EEFSEC: variants seen among roughly 807,000 people sequenced by gnomAD.
The protein encoded by EEFSEC is selenocysteine-specific elongation factor.
Under a neutral mutation model 42.1 loss-of-function variants are expected in EEFSEC, and 43 were observed. The observed-to-expected ratio is 1.02, with a 90% CI of 0.80 to 1.32. The LOEUF is 1.32. Among genes scored for constraint, EEFSEC ranks in the 40% most tolerant of loss-of-function variants. EEFSEC has a pLI of 0.00. For synonymous variants in EEFSEC, 354 were observed against 339.1 expected, an observed-to-expected ratio of 1.04 and a Z score of -0.48; for missense variants, 745 against 803.6, an observed-to-expected ratio of 0.93 and a Z score of 0.88.
At chr3:128,403,105 G>A (rs1194822364) in intron 6 of EEFSEC, among the ~76,000 whole-genome samples, 1 of 152,236 alleles carries the variant, frequency 6.6e-6, no homozygotes, top group Non-Finnish European at 1.5e-5. Flanking sequence ...TCACCAAGAG[G>A]TGACAGTTGT....
the EEFSEC span, among the ~76,000 whole-genome samples, chr3:128,425,972 T>C: frequency 7.2e-5 from 11 of 152,210 alleles, no homozygotes; most frequent in Non-Finnish European, 1.3e-4. Flanking sequence ...AATCGTGTTA[T>C]TATGCTGTGA....
At chr3:128,388,846 C>T (rs759908435) in intron 6 of EEFSEC, among the ~76,000 whole-genome samples, 1 of 152,212 alleles carries the variant, frequency 6.6e-6, no homozygotes, top group South Asian at 2.1e-4. Flanking sequence ...GCCTTCCTGA[C>T]TAGAGGTAGA....
At chr3:128,197,366 G>T (rs888270477) in intron 1 of EEFSEC, among the ~76,000 whole-genome samples, 9 of 152,178 alleles carry the variant, frequency 5.9e-5, no homozygotes, top group Non-Finnish European at 1.2e-4. Context: ...TGCTTTCCGG[G>T]TTCCAGCAAT....
Position 128,153,562 on chromosome 3 carries a change from G to C in EEFSEC, c.55G>C (p.Gly19Arg), listed in dbSNP as rs567446865. The C allele has an allele frequency of 6.5e-7, 1 of 1,535,720 alleles. No individual in the cohort carries two copies. The highest frequency in any genetic ancestry group is 8.7e-7 in the Non-Finnish European group (1 of 1,147,798). Residue 19 changes from glycine (G) to arginine (R), a missense_variant, in exon 1 of 7, where the codon GGC becomes CGC. Coordinates refer to ENST00000254730, the MANE Select transcript of EEFSEC (RefSeq NM_021937.5). ...GGGCGTGCTGGGCCACATCGACAGC[G>C]GCAAGACGGCGCTGGCGCGGGCGCT... ...NVGVLGHIDSGKTALARALST... is the reference protein window; with the variant it reads ...NVGVLGHIDSRKTALARALST...
At chr3:128,297,910 C>G (rs1027730026) in intron 4 of EEFSEC, among the ~76,000 whole-genome samples, 3 of 152,222 alleles carry the variant, frequency 2.0e-5, no homozygotes, top group Admixed American at 2.0e-4. Flanking sequence ...CCAAGTACTT[C>G]CTGGATGCCT....
At chr3:128,260,866 A>T (rs907459864) in intron 2 of EEFSEC, among the ~76,000 whole-genome samples, 10 of 152,116 alleles carry the variant, frequency 6.6e-5, no homozygotes, top group Non-Finnish European at 1.3e-4. Flanking sequence ...GTTTCCATGG[A>T]AGAGGGCTTT....
intron 1 of EEFSEC, among the ~76,000 whole-genome samples, chr3:128,179,684 G>T (rs796450806): frequency 2.6e-5 from 4 of 152,324 alleles, no homozygotes; most frequent in African/African-American, 9.6e-5. Context: ...AGACGGGCTT[G>T]CGTTAGCATT....
intron 1 of EEFSEC, among the ~76,000 whole-genome samples, chr3:128,175,944 G>A (rs899513114): frequency 7.2e-5 from 11 of 152,234 alleles, no homozygotes; most frequent in Admixed American, 3.3e-4. Flanking sequence ...ACCAGCTTGT[G>A]AGAATGCACA....
At chr3:128,315,064 G>A (rs1269821209) in intron 4 of EEFSEC, among the ~76,000 whole-genome samples, 1 of 152,190 alleles carries the variant, frequency 6.6e-6, no homozygotes, top group Non-Finnish European at 1.5e-5. Flanking sequence ...ACATCAAAGA[G>A]GCAATAGAGT....
At chr3:128,274,209 G>A (rs895844250) in intron 4 of EEFSEC, among the ~76,000 whole-genome samples, 1 of 152,234 alleles carries the variant, frequency 6.6e-6, no homozygotes, top group African/African-American at 2.4e-5. Flanking sequence ...GCTTGGGTTT[G>A]TACCTATGTG....
intron 1 of EEFSEC, among the ~76,000 whole-genome samples, chr3:128,244,428 G>A (rs994034099): frequency 6.6e-6 from 1 of 151,864 alleles, no homozygotes; most frequent in African/African-American, 2.4e-5. Flanking sequence ...GAAGCAACTG[G>A]TAGTTAAAAA....
intron 1 of EEFSEC, among the ~76,000 whole-genome samples, chr3:128,226,051 C>T (rs767979241): frequency 7.9e-5 from 12 of 152,170 alleles, no homozygotes; most frequent in Admixed American, 2.0e-4. Context: ...CAATAAGAAT[C>T]GGGGCAGGAG....
intron 1 of EEFSEC, among the ~76,000 whole-genome samples, chr3:128,182,226 C>T (rs980957820): frequency 3.3e-5 from 5 of 151,680 alleles, no homozygotes; most frequent in African/African-American, 4.8e-5. Context: ...GTAATGCCCC[C>T]GCACATCTGG....
intron 4 of EEFSEC, among the ~76,000 whole-genome samples, chr3:128,328,852 A>G (rs2108051643): frequency 6.6e-6 from 1 of 152,306 alleles, no homozygotes; most frequent in African/African-American, 2.4e-5. Flanking sequence ...ACCTCAAGAA[A>G]TAGTGGCAGG....
At chr3:128,232,077 C>A (rs2065964552) in intron 1 of EEFSEC, among the ~76,000 whole-genome samples, 1 of 152,166 alleles carries the variant, frequency 6.6e-6, no homozygotes, top group Admixed American at 6.5e-5. Context: ...CCCCAAGCCC[C>A]TCAAGGTGTC....
intron 4 of EEFSEC, among the ~76,000 whole-genome samples, chr3:128,302,432 C>T (rs2066779036): frequency 6.6e-6 from 1 of 152,100 alleles, no homozygotes; most frequent in South Asian, 2.1e-4. Context: ...TGCAGGCCGA[C>T]TGATTTAATG....
intron 4 of EEFSEC, among the ~76,000 whole-genome samples, chr3:128,270,076 A>C (rs2811536): frequency 0.86 from 130,973 of 152,170 alleles, 56,567 homozygotes; most frequent in East Asian, 0.99. Context: ...TGGGATGACC[A>C]CTGTGTGCTT....
rs565483042 is a variant in EEFSEC at position 128,197,860 on chromosome 3, G to A, written c.316+44037G>A. Reference sequence around the variant, plus strand: ...TTTCTGATGGGAAGGCAGTCCTGTCGCCAGCCAGTCCTGCCTGCATAGATT... The same window carrying A: ...TTTCTGATGGGAAGGCAGTCCTGTCACCAGCCAGTCCTGCCTGCATAGATT... On this transcript the variant is annotated intron_variant, in intron 1 of 6. Coordinates refer to ENST00000254730, the MANE Select transcript of EEFSEC (RefSeq NM_021937.5). Among the ~76,000 whole-genome samples the A allele has an allele frequency of 6.6e-5, 10 of 152,198 alleles. No individual in the cohort carries two copies. The East Asian group carries it at 1.5e-3, about 23-fold the overall frequency.
chr3:128,396,267 C>T (rs762155880), intron 6 of EEFSEC, among the ~76,000 whole-genome samples: 3 of 152,170 alleles, frequency 2.0e-5, no homozygotes, highest in Non-Finnish European at 4.4e-5. Flanking sequence ...AGAGACAGCC[C>T]CTTCCTCTAG....
Sources: gnomAD v4.1 joint callset for allele counts (sites outside exome capture counted in the v4.1 genomes callset) on GRCh38, gnomAD v4.1.1 for gene constraint, MANE v1.5 for transcripts, NCBI Gene and HGNC (gene_info 2026-07-23, HGNC 2026-07-21) for gene names.